Variants in CCSER1 observed in about 807,000 individuals in gnomAD.
The protein encoded by CCSER1 is coiled-coil serine rich protein 1.
A neutral mutation model predicts 82.0 loss-of-function variants in CCSER1; 41 were observed. The observed-to-expected ratio is 0.50, with a 90% CI of 0.39 to 0.65. The LOEUF is 0.65. Ranked by LOEUF, CCSER1 falls within the 30% of genes least tolerant of loss-of-function variation. The pLI is 0.00. For missense variants in CCSER1, 1,119 were observed against 1,064.2 expected (o/e 1.05, Z -0.72); for synonymous variants, 414 against 383.9 (o/e 1.08, Z -0.92).
intron 7 of CCSER1, among the ~76,000 whole-genome samples, chr4:90,785,398 T>C (rs1375892860): frequency 6.6e-6 from 1 of 152,180 alleles, no homozygotes; most frequent in African/African-American, 2.4e-5. Flanking sequence ...TCCTGTGACT[T>C]GACTGGCTCT....
intron 10 of CCSER1, among the ~76,000 whole-genome samples, chr4:91,157,732 G>A (rs969262867): frequency 2.6e-5 from 4 of 151,926 alleles, no homozygotes; most frequent in African/African-American, 9.7e-5. Flanking sequence ...CAAACCTGAT[G>A]CCCTAAGTAC....
At position 90,569,533 on chromosome 4, in the gene CCSER1, C is replaced by A. The variant is rs78281105; in HGVS notation, c.1725-58492C>A. On this transcript the variant is annotated intron_variant, in intron 5 of 10. Transcript: ENST00000509176. ...CATAAGGAAGTGATGAGTGAAGGAA[C>A]CTTGGGCACCACATGCCCACTGTGG... 8.5e-3 allele frequency among the ~76,000 whole-genome samples: 1,291 copies of A among 152,288 alleles called. 42 individuals are homozygous for A. The East Asian group carries it at 0.11, about 14-fold the overall frequency.
rs1019494934 is a variant in CCSER1 at position 90,960,807 on chromosome 4, T to G, written c.2172+37360T>G. On this transcript the variant is annotated intron_variant, in intron 9 of 10. Coordinates refer to ENST00000509176, the MANE Select transcript of CCSER1 (RefSeq NM_001145065.2). ...ACAAGACTAGATTGGGTCTAGAAGT[T>G]TCTATGAAGTTGTGAAATACTTATT... Among the ~76,000 whole-genome samples, 9 of 152,312 alleles carry G rather than the reference T, an allele frequency of 5.9e-5. 1 individual carries two copies. The highest frequency in any genetic ancestry group is 5.9e-4 in the Admixed American group (9 of 15,280).
intron 10 of CCSER1, among the ~76,000 whole-genome samples, chr4:91,154,493 TGCTC>T: frequency 6.6e-6 from 1 of 151,980 alleles, no homozygotes; most frequent in Non-Finnish European, 1.5e-5. Flanking sequence ...GCCCTGCTCC[TGCTC>T]CTGCTCCTGG....
chr4:91,098,440 T>C (rs913314228), intron 10 of CCSER1, among the ~76,000 whole-genome samples: 1 of 152,198 alleles, frequency 6.6e-6, no homozygotes, highest in African/African-American at 2.4e-5. Context: ...CTCTTTCCAT[T>C]TATAACTTAA....
At chr4:90,904,009 A>G (rs996137393) in intron 8 of CCSER1, among the ~76,000 whole-genome samples, 2 of 151,964 alleles carry the variant, frequency 1.3e-5, no homozygotes, top group African/African-American at 4.8e-5. Flanking sequence ...AGGAAACAAA[A>G]CTGTACATGA....
At chr4:90,418,083 C>T (rs1445951888) in intron 4 of CCSER1, among the ~76,000 whole-genome samples, 1 of 152,044 alleles carries the variant, frequency 6.6e-6, no homozygotes, top group Non-Finnish European at 1.5e-5. Context: ...ACCAGCCAGG[C>T]TATGTAAACT....
chr4:90,911,100 G>A (rs1726269035), intron 8 of CCSER1, among the ~76,000 whole-genome samples: 1 of 152,190 alleles, frequency 6.6e-6, no homozygotes, highest in South Asian at 2.1e-4. Flanking sequence ...AACGTGGAGA[G>A]AGCCAGCCTG....
chr4:90,749,499 T>C (rs1031476797), intron 7 of CCSER1, among the ~76,000 whole-genome samples: 2 of 152,118 alleles, frequency 1.3e-5, no homozygotes, highest in Admixed American at 1.3e-4. Context: ...TCTTTTGGCT[T>C]AGGATTGACT....
At chr4:90,338,902 A>C (rs1047588017) in intron 3 of CCSER1, among the ~76,000 whole-genome samples, 4 of 152,164 alleles carry the variant, frequency 2.6e-5, no homozygotes, top group African/African-American at 9.7e-5. Context: ...AGTAAGTCCT[A>C]TGAGTTCCAA....
chr4:91,526,802 A>C (rs1256161651), intron 10 of CCSER1, among the ~76,000 whole-genome samples: 2 of 152,110 alleles, frequency 1.3e-5, no homozygotes, highest in African/African-American at 4.8e-5. Flanking sequence ...CATGTTGGCC[A>C]GGGTGATCTC....
intron 9 of CCSER1, among the ~76,000 whole-genome samples, chr4:91,038,550 A>G (rs1191893489): frequency 6.6e-6 from 1 of 152,224 alleles, no homozygotes; most frequent in Non-Finnish European, 1.5e-5. Context: ...ATGAATAAAG[A>G]ACAAAATATT....
At chr4:90,476,330 T>C (rs1360387187) in intron 5 of CCSER1, among the ~76,000 whole-genome samples, 2 of 152,114 alleles carry the variant, frequency 1.3e-5, no homozygotes, top group Non-Finnish European at 2.9e-5. Flanking sequence ...CAAATGGCCC[T>C]AGGTCCTACC....
chr4:90,876,301 G>A (rs925004197), intron 8 of CCSER1, among the ~76,000 whole-genome samples: 22 of 151,350 alleles, frequency 1.5e-4, no homozygotes, highest in Middle Eastern at 3.4e-3. Context: ...TAACTCCAAG[G>A]GTATTCTAAC....
intron 10 of CCSER1, among the ~76,000 whole-genome samples, chr4:91,115,476 G>A (rs1258398780): frequency 5.9e-5 from 9 of 151,924 alleles, no homozygotes; most frequent in Non-Finnish European, 1.0e-4. Flanking sequence ...ACAGGTGTGC[G>A]CCACCATGCC....
intron 10 of CCSER1, among the ~76,000 whole-genome samples, chr4:91,206,228 T>C (rs546169886): frequency 2.1e-4 from 32 of 152,022 alleles, no homozygotes; most frequent in African/African-American, 7.5e-4. Flanking sequence ...TATTTTTGTG[T>C]TTGCTCCATC....
intron 10 of CCSER1, among the ~76,000 whole-genome samples, chr4:91,253,642 T>G (rs889308630): frequency 2.0e-5 from 3 of 152,150 alleles, no homozygotes; most frequent in Admixed American, 1.3e-4. Flanking sequence ...ATATAAAAAT[T>G]TAAACAAGAT....
At chr4:90,834,262 G>A (rs1168165906) in intron 8 of CCSER1, among the ~76,000 whole-genome samples, 1 of 152,116 alleles carries the variant, frequency 6.6e-6, no homozygotes, top group Non-Finnish European at 1.5e-5. Context: ...AAAATCCAAA[G>A]TGAATAATTT....
intron 8 of CCSER1, among the ~76,000 whole-genome samples, chr4:90,914,703 G>A (rs75450381): frequency 0.11 from 15,422 of 139,530 alleles, 1,211 homozygotes; most frequent in African/African-American, 0.23. Context: ...ATGAATCCAG[G>A]AGCTTTTTAT....
Sources: gnomAD v4.1 joint callset for allele counts (sites outside exome capture counted in the v4.1 genomes callset) on GRCh38, gnomAD v4.1.1 for gene constraint, MANE v1.5 for transcripts, NCBI Gene and HGNC (gene_info 2026-07-23, HGNC 2026-07-21) for gene names.